OTOGL: variants seen among roughly 807,000 people sequenced by gnomAD.
OTOGL encodes the protein otogelin-like protein.
A neutral mutation model predicts 318.5 loss-of-function variants in OTOGL; 285 were observed. The ratio of observed to expected loss-of-function variants is 0.89; its 90% CI spans 0.81 to 0.99. The LOEUF (loss-of-function observed/expected upper bound fraction) is 0.99, where lower values mean the gene tolerates loss of function less well. OTOGL is among the 50% of genes least tolerant of loss of function. OTOGL has a pLI of 0.00. For missense variants in OTOGL, 2,899 were observed against 2,845.6 expected, an observed-to-expected ratio of 1.02 and a Z score of -0.43; for synonymous variants, 987 against 936.5, an observed-to-expected ratio of 1.05 and a Z score of -0.99.
At position 80,313,580 on chromosome 12, in the gene OTOGL, C is replaced by A. The variant is rs374198258; in HGVS notation, c.3555C>A (p.Tyr1185Ter). The change falls in exon 31 of 59, where the codon TAC becomes TAA. Residue 1185 changes from tyrosine (Y) to a stop codon, truncating the protein, a stop_gained. Transcript: ENST00000547103. LOFTEE classifies it high-confidence loss of function. ...CLCTSIAAYA[Y>*]KCCQEGISIH... is the part of the protein sequence containing the mutation. ...GCACTAGTATAGCTGCATATGCATA[C>A]AAGTGTTGTCAGGAAGGAATATCAA... 11 of 1,612,630 alleles carry A rather than the reference C, an allele frequency of 6.8e-6. No homozygotes were observed. Among genetic ancestry groups the A allele is most frequent in the Non-Finnish European group, 9.3e-6 (11 of 1,179,086 alleles).
chr12:80,308,507 C>T lies in OTOGL; in HGVS notation c.3334-2104C>T, dbSNP rs549029768. On this transcript the variant is annotated intron_variant, in intron 29 of 58. Transcript: ENST00000547103. ...ACTGGGCAGCCAGGCAGAGGGGCTCCTCACATCCCAGACGATGGGCGGCCA... is the reference window on the plus strand; with the variant it reads ...ACTGGGCAGCCAGGCAGAGGGGCTCTTCACATCCCAGACGATGGGCGGCCA... 7.9e-5 allele frequency among the ~76,000 whole-genome samples: 12 copies of T among 151,898 alleles called. No individual in the cohort carries two copies. In the East Asian group the frequency reaches 2.0e-3, roughly 25 times the overall value.
intron 27 of OTOGL, among the ~76,000 whole-genome samples, chr12:80,300,002 TG>T (rs1026968029): frequency 2.4e-4 from 36 of 152,256 alleles, no homozygotes; most frequent in African/African-American, 7.5e-4. Flanking sequence ...TCAGGATAAC[TG>T]ATGCAAAACC....
chr12:80,349,499 G>C (rs1321235970), intron 44 of OTOGL, among the ~76,000 whole-genome samples: 1 of 152,084 alleles, frequency 6.6e-6, no homozygotes, highest in Non-Finnish European at 1.5e-5. Context: ...AACAGAATGA[G>C]AGGCAGGTAG....
rs1352940873 is a variant in OTOGL, at chr12:80,379,307, A to G, written c.*1259A>G. On this transcript the variant is annotated 3_prime_UTR_variant, in exon 59 of 59. Transcript: ENST00000547103. ...GAACAGTAAAGTCTCATTGCAAAGC[A>G]GATACTGGGCCTCAAGGGTGGGCTT... 3 of 152,028 alleles carry G rather than the reference A, an allele frequency of 2.0e-5. No individual in the cohort carries two copies. Among genetic ancestry groups the G allele is most frequent in the African/African-American group, 7.2e-5 (3 of 41,456 alleles). The allele number at this position is 152,028 out of a possible 1,614,324, so 9.4% of individuals were successfully genotyped here. A position where few individuals can be genotyped will look rare whatever the true frequency, so the allele number is the denominator to read the frequency against.
At chr12:80,146,104 A>T (rs535028070) in intron 1 of OTOGL, among the ~76,000 whole-genome samples, 1 of 150,352 alleles carries the variant, frequency 6.7e-6, no homozygotes, top group East Asian at 1.9e-4. Context: ...GTTGAATAGG[A>T]GCGGTGAGAG....
intron 1 of OTOGL, among the ~76,000 whole-genome samples, chr12:80,187,806 G>C (rs757180312): frequency 1.3e-5 from 2 of 152,186 alleles, no homozygotes; most frequent in Non-Finnish European, 2.9e-5. Flanking sequence ...GCTGGTGTCA[G>C]ATACAAGCTT....
chr12:80,258,636 T>C (rs557028112), intron 18 of OTOGL, among the ~76,000 whole-genome samples: 45 of 152,278 alleles, frequency 3.0e-4, no homozygotes, highest in Non-Finnish European at 4.7e-4. Context: ...CTTGTTATCA[T>C]GCTAAAAGCA....
In OTOGL at chr12:80,336,912, G is replaced by A; in HGVS notation, c.4768G>A (p.Ala1590Thr). 2 of 1,577,530 alleles carry A rather than the reference G, an allele frequency of 1.3e-6. No individual in the cohort carries two copies. The highest frequency in any genetic ancestry group is 8.6e-7 in the Non-Finnish European group (1 of 1,159,566). Residue 1590 changes from alanine to threonine, a missense_variant and splice_region_variant, in exon 42 of 59, where the codon GCT becomes ACT. Coordinates refer to ENST00000547103, the MANE Select transcript of OTOGL (RefSeq NM_001378609.3). ...AAGTTTTAATTTTTTTCAAATTAAG[G>A]CTCCCTCTGGAAGAATCTCTGGACT... ...NQNGNSLKKLAPSGRISGLCF... is the reference protein window; with the variant it reads ...NQNGNSLKKLTPSGRISGLCF...
intron 46 of OTOGL, among the ~76,000 whole-genome samples, chr12:80,354,789 G>T (rs1468803408): frequency 6.6e-6 from 1 of 152,086 alleles, no homozygotes; most frequent in Non-Finnish European, 1.5e-5. Flanking sequence ...AGAGTTCACT[G>T]GAGGCTGGGG....
At chr12:80,371,908 G>T in intron 56 of OTOGL, 111 bp from the exon 57 acceptor site, 2 of 540,612 alleles carry the variant, frequency 3.7e-6, no homozygotes, top group Non-Finnish European at 2.9e-6. Context: ...TTCTATGAAG[G>T]CTTTGTGGTA....
intron 1 of OTOGL, among the ~76,000 whole-genome samples, chr12:80,147,867 A>G (rs1324064546): frequency 1.3e-5 from 2 of 152,140 alleles, no homozygotes; most frequent in Non-Finnish European, 2.9e-5. Flanking sequence ...ATCAGAGACT[A>G]GGATTGCAAC....
At chr12:80,340,754 T>C (rs557400031) in intron 43 of OTOGL, among the ~76,000 whole-genome samples, 1 of 152,300 alleles carries the variant, frequency 6.6e-6, no homozygotes, top group African/African-American at 2.4e-5. Flanking sequence ...AAGACTGTTA[T>C]CCAAACAGGG....
chr12:80,272,342 ATGTGTGTGTGTGTGTGTGTGTGTG>A (rs56364698), intron 24 of OTOGL, among the ~76,000 whole-genome samples: 4 of 145,502 alleles, frequency 2.7e-5, no homozygotes, highest in Non-Finnish European at 4.5e-5. Flanking sequence ...AGGCATTGTG[ATGTGTGTGTGTGTGTGTGTGTGTG>A]TGTGTGTGTG....
At chr12:80,366,470 G>T (rs1454896363) in intron 52 of OTOGL, 104 bp from the exon 53 acceptor site, 1 of 351,476 alleles carries the variant, frequency 2.8e-6, no homozygotes, top group African/African-American at 2.2e-5. Flanking sequence ...GTATGTGTGT[G>T]TGTGTGTATA....
chr12:80,358,574 T>A, intron 50 of OTOGL, 97 bp from the exon 51 acceptor site: 1 of 1,002,286 alleles, frequency 1.0e-6, no homozygotes, highest in East Asian at 2.6e-5. Flanking sequence ...GAAATATGAA[T>A]CCATGCATTA....
intron 38 of OTOGL, among the ~76,000 whole-genome samples, chr12:80,333,384 T>A (rs1296078256): frequency 1.3e-5 from 2 of 151,508 alleles, no homozygotes; most frequent in African/African-American, 4.9e-5. Context: ...ATTAAGCATC[T>A]ACTTGATGTC....
intron 21 of OTOGL, 43 bp from the exon 22 acceptor site, chr12:80,267,210 G>GA (rs764091928): frequency 4.5e-6 from 6 of 1,344,128 alleles, no homozygotes; most frequent in East Asian, 2.7e-5. Flanking sequence ...AGTGGTTTTT[G>GA]AAAAAAATTG....
chr12:80,156,154 T>C (rs762660863), intron 1 of OTOGL, among the ~76,000 whole-genome samples: 11 of 152,228 alleles, frequency 7.2e-5, no homozygotes, highest in Non-Finnish European at 1.5e-4. Flanking sequence ...ATCCTCAATC[T>C]GGATGGGCAC....
At chr12:80,350,125 A>C (rs1365827137) in intron 44 of OTOGL, among the ~76,000 whole-genome samples, 1 of 152,146 alleles carries the variant, frequency 6.6e-6, no homozygotes, top group Non-Finnish European at 1.5e-5. Flanking sequence ...CAACTTTTTT[A>C]GTTTTCACAT....
Sources: gnomAD v4.1 joint callset for allele counts (sites outside exome capture counted in the v4.1 genomes callset) on GRCh38, gnomAD v4.1.1 for gene constraint, MANE v1.5 for transcripts, NCBI Gene and HGNC (gene_info 2026-07-23, HGNC 2026-07-21) for gene names.